MYO16: variants seen among roughly 807,000 people sequenced by gnomAD.
MYO16 encodes the protein myosin XVI.
In MYO16, 94 loss-of-function variants were observed where a neutral mutation model predicts 205.3. That is an observed-to-expected ratio of 0.46 (90% CI 0.39 to 0.54). The LOEUF (loss-of-function observed/expected upper bound fraction) is 0.54. Among genes scored for constraint, MYO16 ranks in the 20% least tolerant of loss-of-function variants. The pLI, the probability that MYO16 is intolerant of heterozygous loss-of-function variation, is 0.00. For missense variants in MYO16, 2,315 were observed against 2,387.5 expected (o/e 0.97, Z 0.63); for synonymous variants, 988 against 954.0 (o/e 1.04, Z -0.66).
chr13:108,844,159 A>G (rs1438988773), intron 9 of MYO16, among the ~76,000 whole-genome samples, 184 bp from the exon 10 acceptor site: 3 of 152,168 alleles, frequency 2.0e-5, no homozygotes, highest in African/African-American at 7.2e-5. Flanking sequence ...AAAGTTGAAT[A>G]AAGTTTGGAA....
intron 2 of MYO16, among the ~76,000 whole-genome samples, chr13:108,668,609 C>G (rs545716982): frequency 6.6e-5 from 10 of 152,304 alleles, no homozygotes; most frequent in Non-Finnish European, 1.0e-4. Context: ...CCCCCTCCTC[C>G]GTCTCCAACA....
At chr13:108,648,037 G>A (rs9587644) in intron 1 of MYO16, among the ~76,000 whole-genome samples, 1 of 152,200 alleles carries the variant, frequency 6.6e-6, no homozygotes, top group African/African-American at 2.4e-5. Flanking sequence ...CTATAGGGCA[G>A]AGGGAAAGGA....
intron 1 of MYO16, among the ~76,000 whole-genome samples, chr13:108,617,091 C>T (rs944891688): frequency 6.6e-6 from 1 of 152,134 alleles, no homozygotes; most frequent in Non-Finnish European, 1.5e-5. Context: ...CAAAAGGAAG[C>T]TGTTTTCCAT....
chr13:108,842,737 A>C (rs1877309821), intron 9 of MYO16, among the ~76,000 whole-genome samples: 2 of 152,106 alleles, frequency 1.3e-5, no homozygotes, highest in Non-Finnish European at 2.9e-5. Context: ...CACATGATCC[A>C]GTATTACAAT....
chr13:108,953,947 T>A (rs1038898526), intron 16 of MYO16, among the ~76,000 whole-genome samples: 4 of 152,226 alleles, frequency 2.6e-5, no homozygotes, highest in Admixed American at 2.0e-4. Flanking sequence ...TTTCCTGCCA[T>A]CAGGCAAACT....
chr13:108,577,192 C>G, the MYO16 span, among the ~76,000 whole-genome samples: 3 of 152,158 alleles, frequency 2.0e-5, no homozygotes, highest in African/African-American at 7.2e-5. Context: ...CTTTTAAGAG[C>G]TATACAAAAA....
rs576939155 is a variant in MYO16 at position 108,900,988 on chromosome 13, C to T, written c.1777+2855C>T. 3.5e-3 allele frequency among the ~76,000 whole-genome samples: 530 copies of T among 152,246 alleles called. 1 individual carries two copies. Among genetic ancestry groups the T allele is most frequent in the Admixed American group, 5.2e-3 (80 of 15,284 alleles). On this transcript the variant is annotated intron_variant, in intron 15 of 34. Coordinates refer to ENST00000457511, the MANE Select transcript of MYO16 (RefSeq NM_001198950.3). Reference sequence around the variant, plus strand: ...CCGCTTTGGGGATGGCTGTCTTTTACGGTTGTAGCAGAGGGATGAAATAAG... The same window carrying T: ...CCGCTTTGGGGATGGCTGTCTTTTATGGTTGTAGCAGAGGGATGAAATAAG...
intron 31 of MYO16, among the ~76,000 whole-genome samples, chr13:109,131,494 T>A (rs1234714747): frequency 6.6e-6 from 1 of 152,218 alleles, no homozygotes; most frequent in Non-Finnish European, 1.5e-5. Context: ...ATGTTAACAC[T>A]TCTTTGCAAA....
chr13:108,865,874 TTTTCATTG>T, intron 11 of MYO16, among the ~76,000 whole-genome samples: 1 of 152,114 alleles, frequency 6.6e-6, no homozygotes, highest in Non-Finnish European at 1.5e-5. Flanking sequence ...AGTCTATATT[TTTTCATTG>T]TTTCATTCTC....
At chr13:109,169,688 A>C (rs1249028704) in intron 33 of MYO16, among the ~76,000 whole-genome samples, 1 of 152,226 alleles carries the variant, frequency 6.6e-6, no homozygotes, top group African/African-American at 2.4e-5. Context: ...AACACCGTAA[A>C]TGTTAAATTA....
At chr13:108,729,664 T>C (rs1884458826) in intron 4 of MYO16, among the ~76,000 whole-genome samples, 1 of 152,200 alleles carries the variant, frequency 6.6e-6, no homozygotes, top group Non-Finnish European at 1.5e-5. Context: ...CATATGGTTG[T>C]GCTTAAAATT....
chr13:108,782,428 T>C (rs1297152215), intron 4 of MYO16, among the ~76,000 whole-genome samples: 1 of 152,198 alleles, frequency 6.6e-6, no homozygotes, highest in Non-Finnish European at 1.5e-5. Context: ...TTGGGTGTTG[T>C]TAAAAGCATT....
At chr13:109,103,467 T>C (rs1207733081) in intron 28 of MYO16, among the ~76,000 whole-genome samples, 1 of 152,222 alleles carries the variant, frequency 6.6e-6, no homozygotes, top group Non-Finnish European at 1.5e-5. Context: ...CTCTTTTCCA[T>C]ATTTTTAAAA....
chr13:108,908,928 G>A (rs1367593677), intron 15 of MYO16, among the ~76,000 whole-genome samples: 1 of 150,776 alleles, frequency 6.6e-6, no homozygotes, highest in Non-Finnish European at 1.5e-5. Flanking sequence ...AGCCAAGATC[G>A]TGCCACTGCA....
At chr13:108,579,536 G>C in the MYO16 span, among the ~76,000 whole-genome samples, 1 of 151,794 alleles carries the variant, frequency 6.6e-6, no homozygotes, top group African/African-American at 2.4e-5. Context: ...TGCCTTCCGG[G>C]TTCAAGCAAT....
intron 5 of MYO16, among the ~76,000 whole-genome samples, chr13:108,788,044 G>A (rs1426051063): frequency 1.3e-5 from 2 of 152,130 alleles, no homozygotes; most frequent in Non-Finnish European, 2.9e-5. Context: ...TTCAAGATGA[G>A]ATTTTTATTA....
At chr13:108,717,900 A>G (rs947529938) in intron 3 of MYO16, among the ~76,000 whole-genome samples, 1 of 152,194 alleles carries the variant, frequency 6.6e-6, no homozygotes, top group Non-Finnish European at 1.5e-5. Flanking sequence ...TAAATAAGAA[A>G]CATGCGTGTT....
At chr13:108,654,476 C>T (rs1297847329) in intron 1 of MYO16, among the ~76,000 whole-genome samples, 2 of 152,162 alleles carry the variant, frequency 1.3e-5, no homozygotes, top group Non-Finnish European at 2.9e-5. Flanking sequence ...ATTGTATGTC[C>T]AATTAAACCT....
At chr13:108,671,765 T>C (rs1033295436) in intron 2 of MYO16, among the ~76,000 whole-genome samples, 26 of 152,166 alleles carry the variant, frequency 1.7e-4, no homozygotes, top group African/African-American at 6.3e-4. Flanking sequence ...GTACCTGGCT[T>C]GCTGACAGCC....
Sources: gnomAD v4.1 joint callset for allele counts (sites outside exome capture counted in the v4.1 genomes callset) on GRCh38, gnomAD v4.1.1 for gene constraint, MANE v1.5 for transcripts, NCBI Gene and HGNC (gene_info 2026-07-23, HGNC 2026-07-21) for gene names.